The following MTPN variants were observed in gnomAD, a reference collection of about 807,000 sequenced individuals.
The protein encoded by MTPN is myotrophin.
Under a neutral mutation model 13.5 loss-of-function variants are expected in MTPN, and 2 were observed. That is an observed-to-expected ratio of 0.15 (90% CI 0.06 to 0.47). The LOEUF (loss-of-function observed/expected upper bound fraction) is 0.47, where lower values mean the gene tolerates loss of function less well. MTPN is among the 20% of genes least tolerant of loss of function. The pLI is 0.97. For missense variants in MTPN, 79 were observed against 137.9 expected, an observed-to-expected ratio of 0.57 and a Z score of 2.14; for synonymous variants, 46 against 51.7, an observed-to-expected ratio of 0.89 and a Z score of 0.48.
At chr7:135,950,761 C>G in intron 2 of MTPN, 79 bp from the exon 3 acceptor site, 1 of 1,076,004 alleles carries the variant, frequency 9.3e-7, no homozygotes, top group Non-Finnish European at 1.4e-6. Flanking sequence ...AAAACTCTTT[C>G]TAGATTTACC....
intron 1 of MTPN, among the ~76,000 whole-genome samples, chr7:135,961,522 C>G (rs182867547): frequency 6.6e-6 from 1 of 151,844 alleles, no homozygotes; most frequent in East Asian, 1.9e-4. Flanking sequence ...GAGATATATA[C>G]CTTTTTTTTT....
intron 3 of MTPN, among the ~76,000 whole-genome samples, chr7:135,942,234 A>C (rs1799226400): frequency 1.3e-5 from 2 of 152,226 alleles, no homozygotes; most frequent in Non-Finnish European, 2.9e-5. Context: ...TTTCAGACAA[A>C]AAAGTATGTC....
intron 1 of MTPN, among the ~76,000 whole-genome samples, chr7:135,959,639 A>G (rs1238875881): frequency 6.6e-6 from 1 of 152,176 alleles, no homozygotes; most frequent in Non-Finnish European, 1.5e-5. Flanking sequence ...AATATTAAAT[A>G]GAACATGTCT....
intron 1 of MTPN, among the ~76,000 whole-genome samples, chr7:135,951,871 T>C (rs544758944): frequency 6.6e-6 from 1 of 152,266 alleles, no homozygotes; most frequent in East Asian, 1.9e-4. Context: ...TAATGATAAA[T>C]ATAACGAAAT....
chr7:135,947,449 TA>T (rs1227300408), intron 3 of MTPN, among the ~76,000 whole-genome samples: 2 of 152,168 alleles, frequency 1.3e-5, no homozygotes, highest in Non-Finnish European at 2.9e-5. Flanking sequence ...CAACTCACTT[TA>T]AAAACATCTT....
intron 1 of MTPN, among the ~76,000 whole-genome samples, chr7:135,954,457 T>C (rs1799410396): frequency 6.6e-6 from 1 of 151,746 alleles, no homozygotes; most frequent in African/African-American, 2.4e-5. Context: ...TACAAAAATG[T>C]TGTTGAGGCA....
chr7:135,972,260 C>CACACACACACACACACACACACACACA (rs1554395914), intron 1 of MTPN, among the ~76,000 whole-genome samples: 1 of 83,372 alleles, frequency 1.2e-5, no homozygotes, highest in African/African-American at 4.3e-5. Context: ...CACACACACA[C>CACACACACACACACACACACACACACA]CCCATGTAGA....
intron 3 of MTPN, among the ~76,000 whole-genome samples, chr7:135,936,044 C>T (rs1319419503): frequency 6.6e-6 from 1 of 152,122 alleles, no homozygotes; most frequent in Non-Finnish European, 1.5e-5. Context: ...ACTCTTGTCA[C>T]AGCAACCACA....
intron 1 of MTPN, among the ~76,000 whole-genome samples, chr7:135,975,493 G>A (rs1799760420): frequency 6.6e-6 from 1 of 152,178 alleles, no homozygotes; most frequent in South Asian, 2.1e-4. Context: ...TTACTTCCCA[G>A]TATTCACAAG....
chr7:135,955,851 A>AC lies in MTPN; in HGVS notation c.73-4222_73-4221insG, dbSNP rs568485740. On this transcript the variant is annotated intron_variant, in intron 1 of 3. Transcript: ENST00000393085. ...CATCTCAATGGATTATAAAAAAAAA[A>AC]AAACCCAATATGCATTTGTCATCAG... Among the ~76,000 whole-genome samples the AC allele has an allele frequency of 2.4e-3, 359 of 152,118 alleles. 1 individual carries two copies. The highest frequency in any genetic ancestry group is 8.2e-3 in the African/African-American group (340 of 41,514).
intron 3 of MTPN, among the ~76,000 whole-genome samples, chr7:135,930,722 G>A (rs1799007233): frequency 6.6e-6 from 1 of 152,164 alleles, no homozygotes; most frequent in Non-Finnish European, 1.5e-5. Flanking sequence ...CATGGGAGCA[G>A]TAATTCACCA....
At chr7:135,955,924 A>G (rs1799437953) in intron 1 of MTPN, among the ~76,000 whole-genome samples, 1 of 152,142 alleles carries the variant, frequency 6.6e-6, no homozygotes, top group African/African-American at 2.4e-5. Context: ...CCTACAAAAA[A>G]CCTACATTTA....
chr7:135,962,938 G>A (rs1413031690), intron 1 of MTPN, among the ~76,000 whole-genome samples: 1 of 151,994 alleles, frequency 6.6e-6, no homozygotes, highest in Admixed American at 6.6e-5. Context: ...AGATATGTAC[G>A]CATTGCTGCC....
chr7:135,955,063 T>C (rs1156319792), intron 1 of MTPN, among the ~76,000 whole-genome samples: 6 of 152,214 alleles, frequency 3.9e-5, no homozygotes. Context: ...ATTACAATTC[T>C]TATTTTAGCA....
Position 135,929,817 on chromosome 7 carries a change from T to TTAAAG in MTPN, c.*104_*108dup, listed in dbSNP as rs1562927441. On this transcript the variant is annotated 3_prime_UTR_variant, in exon 4 of 4. Transcript: ENST00000393085. ...GAATTTCTCTCTCCCCTCACCCCTC[T>TTAAAG]TAAAGTATTTAGCTGAAGAAGCTGG... The TTAAAG allele has an allele frequency of 5.4e-6, 6 of 1,114,184 alleles. No homozygotes were observed. Among genetic ancestry groups the TTAAAG allele is most frequent in the Non-Finnish European group, 6.8e-6 (5 of 734,292 alleles). 69.0% of individuals were successfully genotyped at this position (1,114,184 alleles called of 1,614,324 possible).
chr7:135,974,453 G>A (rs1412050200), intron 1 of MTPN, among the ~76,000 whole-genome samples: 1 of 152,074 alleles, frequency 6.6e-6, no homozygotes, highest in Non-Finnish European at 1.5e-5. Context: ...AAGTTACAGT[G>A]AGCTATGATC....
intron 1 of MTPN, among the ~76,000 whole-genome samples, chr7:135,969,100 A>AG (rs1562937114): frequency 2.5e-4 from 5 of 20,216 alleles, no homozygotes; most frequent in Non-Finnish European, 3.0e-4. Flanking sequence ...GGGGGGGGGG[A>AG]GGAGGGAGGG....
rs1275067416 is a variant in MTPN at position 135,928,404 on chromosome 7, A to G, written c.*1522T>C. 6.0e-6 allele frequency: 1 copy of G among 167,084 alleles called. No individual in the cohort carries two copies. The highest frequency in any genetic ancestry group is 1.9e-4 in the East Asian group (1 of 5,208). The allele number at this position is 167,084 out of a possible 1,614,324, so 10.4% of individuals were successfully genotyped here. On this transcript the variant is annotated 3_prime_UTR_variant, in exon 4 of 4. Coordinates refer to ENST00000393085, the MANE Select transcript of MTPN (RefSeq NM_145808.4). ...TTATTAACCAGGGTGACTGTTCTTG[A>G]TAATAGATTAACCCTGCTGTAGAAT...
At chr7:135,948,925 G>T (rs113777403) in intron 3 of MTPN, among the ~76,000 whole-genome samples, 14 of 152,160 alleles carry the variant, frequency 9.2e-5, no homozygotes, top group African/African-American at 2.9e-4. Flanking sequence ...TAAAAAAAAG[G>T]TCAGGGAAAA....
Sources: allele counts gnomAD v4.1 joint callset (sites outside exome capture counted in the v4.1 genomes callset), GRCh38; gene constraint gnomAD v4.1.1; transcripts MANE v1.5; gene names NCBI Gene and HGNC (gene_info 2026-07-23, HGNC 2026-07-21).